Variants in WDPCP observed in about 807,000 individuals in gnomAD.
WDPCP encodes the protein WD repeat-containing and planar cell polarity effector protein fritz homolog.
In WDPCP, 71 loss-of-function variants were observed where a neutral mutation model predicts 93.1. That is an observed-to-expected ratio of 0.76 (90% CI 0.63 to 0.93). The LOEUF (loss-of-function observed/expected upper bound fraction) is 0.93, where lower values mean the gene tolerates loss of function less well. Among genes scored for constraint, WDPCP ranks in the 40% least tolerant of loss-of-function variants. The pLI, the probability that WDPCP is intolerant of heterozygous loss-of-function variation, is 0.00. For missense variants in WDPCP, 844 were observed against 887.4 expected, an observed-to-expected ratio of 0.95 and a Z score of 0.62; for synonymous variants, 315 against 315.0, an observed-to-expected ratio of 1.00 and a Z score of 0.00.
chr2:63,246,877 G>T (rs1249213993), intron 14 of WDPCP, among the ~76,000 whole-genome samples: 2 of 152,150 alleles, frequency 1.3e-5, no homozygotes, highest in African/African-American at 4.8e-5. Context: ...GACCAATGGT[G>T]AAATAGCCAA....
chr2:63,206,385 C>G (rs1676336931), intron 14 of WDPCP, among the ~76,000 whole-genome samples: 1 of 152,218 alleles, frequency 6.6e-6, no homozygotes, highest in African/African-American at 2.4e-5. Flanking sequence ...TTTTTCTCTC[C>G]CAGTGTCAGA....
At position 63,434,989 on chromosome 2, in the gene WDPCP, T is replaced by G. The variant is rs75895988; in HGVS notation, c.634-1053A>C. On this transcript the variant is annotated intron_variant, in intron 8 of 17. Coordinates refer to ENST00000272321, the MANE Select transcript of WDPCP (RefSeq NM_015910.7). The stretch of plus-strand genomic sequence containing the variant: ...GCCATTAAAACCAAGGTTAATGCTT[T>G]AATAATCCTCTGCTATTTTTTTTCA... Among the ~76,000 whole-genome samples the G allele has an allele frequency of 9.6e-3, 1,461 of 152,296 alleles. 27 individuals are homozygous for G. The highest frequency in any genetic ancestry group is 0.04 in the Admixed American group (605 of 15,284).
chr2:63,592,477 A>C (rs1208613329), upstream of WDPCP, among the ~76,000 whole-genome samples: 1 of 152,100 alleles, frequency 6.6e-6, no homozygotes, highest in African/African-American at 2.4e-5. Flanking sequence ...CAGCCTCCTG[A>C]GTGGCTGGAA....
intron 2 of WDPCP, among the ~76,000 whole-genome samples, chr2:63,714,829 A>AAAAC (rs552476379): frequency 2.6e-4 from 39 of 152,362 alleles, no homozygotes; most frequent in Admixed American, 4.6e-4. Context: ...ACTCCGTCTC[A>AAAAC]AAACAAACAA....
Position 63,552,683 on chromosome 2 carries a change from G to T in WDPCP, c.75+35514C>A, listed in dbSNP as rs148426337. 7.0e-3 allele frequency among the ~76,000 whole-genome samples: 1,059 copies of T among 152,244 alleles called. 9 individuals carry two copies. Among genetic ancestry groups the T allele is most frequent in the Non-Finnish European group, 8.7e-3 (595 of 68,002 alleles). Reference sequence around the variant, plus strand: ...AGCAGAACAATAATACAGGATATTTGATAGGAAATGTGTGACTAAATGCCA... The same window carrying T: ...AGCAGAACAATAATACAGGATATTTTATAGGAAATGTGTGACTAAATGCCA... On this transcript the variant is annotated intron_variant, in intron 1 of 17. Coordinates refer to ENST00000272321, the MANE Select transcript of WDPCP (RefSeq NM_015910.7).
At chr2:63,734,997 AG>A (rs1669619145) in intron 2 of WDPCP, among the ~76,000 whole-genome samples, 1 of 152,196 alleles carries the variant, frequency 6.6e-6, no homozygotes, top group South Asian at 2.1e-4. Context: ...AGTTTGGGTA[AG>A]TTCAGATTTC....
chr2:63,178,436 A>G (rs1673982278), intron 14 of WDPCP, among the ~76,000 whole-genome samples: 2 of 152,240 alleles, frequency 1.3e-5, no homozygotes, highest in South Asian at 4.1e-4. Context: ...AATCTTGGTT[A>G]GTTGTGTGTT....
intron 6 of WDPCP, among the ~76,000 whole-genome samples, chr2:63,455,732 T>A (rs760585225): frequency 8.6e-5 from 13 of 152,038 alleles, no homozygotes; most frequent in Admixed American, 6.6e-5. Context: ...ACAATAATAG[T>A]AGGAGGCATC....
intron 14 of WDPCP, among the ~76,000 whole-genome samples, chr2:63,248,770 AT>A (rs1204040982): frequency 1.3e-5 from 2 of 151,694 alleles, no homozygotes; most frequent in Non-Finnish European, 2.9e-5. Context: ...AAGTTGGCTG[AT>A]TTTTTTTCTT....
intron 1 of WDPCP, among the ~76,000 whole-genome samples, chr2:63,584,191 T>C (rs1708688557): frequency 6.6e-6 from 1 of 151,834 alleles, no homozygotes; most frequent in South Asian, 2.1e-4. Context: ...ACCCACATAC[T>C]AACACAGCTT....
intron 2 of WDPCP, among the ~76,000 whole-genome samples, chr2:63,696,363 T>G (rs1411880261): frequency 2.0e-5 from 3 of 152,184 alleles, no homozygotes; most frequent in African/African-American, 4.8e-5. Context: ...TTGTATAAAG[T>G]TGTTCCATGA....
At chr2:63,274,808 A>G in intron 13 of WDPCP, among the ~76,000 whole-genome samples, 1 of 152,188 alleles carries the variant, frequency 6.6e-6, no homozygotes, top group East Asian at 1.9e-4. Context: ...ACAAGATTTA[A>G]TCAGTAATAA....
chr2:63,312,004 A>G (rs1686222999), intron 13 of WDPCP, among the ~76,000 whole-genome samples: 1 of 152,082 alleles, frequency 6.6e-6, no homozygotes, highest in Non-Finnish European at 1.5e-5. Context: ...AAAAAAGTCA[A>G]TGGGGCTGGA....
intron 1 of WDPCP, among the ~76,000 whole-genome samples, chr2:63,494,266 A>AGAT (rs754084408): frequency 7.5e-5 from 9 of 119,876 alleles, no homozygotes; most frequent in South Asian, 6.1e-4. Flanking sequence ...AGATTTCACC[A>AGAT]GATGATGATG....
intron 17 of WDPCP, among the ~76,000 whole-genome samples, chr2:63,123,680 T>C (rs921493696): frequency 6.6e-6 from 1 of 152,062 alleles, no homozygotes; most frequent in Non-Finnish European, 1.5e-5. Context: ...AATAATTTAT[T>C]TTACATTCAA....
intron 2 of WDPCP, among the ~76,000 whole-genome samples, chr2:63,802,568 G>A (rs916844243): frequency 2.6e-5 from 4 of 152,076 alleles, no homozygotes; most frequent in African/African-American, 9.7e-5. Context: ...AAAAAATTGT[G>A]AAGAATTTTG....
intron 14 of WDPCP, among the ~76,000 whole-genome samples, chr2:63,242,609 G>A (rs1037593906): frequency 6.6e-6 from 1 of 152,114 alleles, no homozygotes; most frequent in Non-Finnish European, 1.5e-5. Flanking sequence ...GCAACAGAGC[G>A]AGACATTGTC....
At chr2:63,367,099 T>TA (rs199702880) in intron 12 of WDPCP, among the ~76,000 whole-genome samples, 38 of 148,880 alleles carry the variant, frequency 2.6e-4, no homozygotes, top group African/African-American at 4.9e-4. Flanking sequence ...TCATCATTTG[T>TA]AAAAAAAAAA....
intron 12 of WDPCP, among the ~76,000 whole-genome samples, chr2:63,313,886 A>ATGTGTGTGTTTATATATATATATATTTT: frequency 1.3e-5 from 1 of 74,502 alleles, no homozygotes; most frequent in Non-Finnish European, 2.6e-5. Context: ...ATATATATAT[A>ATGTGTGTGTTTATATATATATATATTTT]TTTTTTTTTT....
Sources: gnomAD v4.1 joint callset for allele counts (sites outside exome capture counted in the v4.1 genomes callset) on GRCh38, gnomAD v4.1.1 for gene constraint, MANE v1.5 for transcripts, NCBI Gene and HGNC (gene_info 2026-07-23, HGNC 2026-07-21) for gene names.